The following ABCG1 variants were observed in gnomAD, a reference collection of about 807,000 sequenced individuals.
ABCG1 encodes the protein ATP binding cassette subfamily G member 1.
Under a neutral mutation model 69.2 loss-of-function variants are expected in ABCG1, and 29 were observed. That is an observed-to-expected ratio of 0.42 (90% confidence interval 0.31 to 0.57). The LOEUF is 0.57. Ranked by LOEUF, ABCG1 falls within the 20% of genes least tolerant of loss-of-function variation. The pLI is 0.15. For synonymous variants in ABCG1, 370 were observed against 374.8 expected, an observed-to-expected ratio of 0.99 and a Z score of 0.15; for missense variants, 718 against 898.1, an observed-to-expected ratio of 0.80 and a Z score of 2.56.
In ABCG1 at chr21:42,291,667, A is replaced by G; in HGVS notation, c.1653+11A>G. ...TCCACGTCCCTGCAGGTGCCAGCCC[A>G]GGAGGCGCTAAGTGAGGGCATGACG... On this transcript the variant is annotated intron_variant, in intron 13 of 14. Coordinates refer to ENST00000398449, the MANE Select transcript of ABCG1 (RefSeq NM_016818.3). The surrounding 1 kb of genome is among the most constrained non-coding windows in gnomAD (Gnocchi z 6.4). 1 of 1,593,014 alleles carries G rather than the reference A, an allele frequency of 6.3e-7. No homozygotes were observed. Among genetic ancestry groups the G allele is most frequent in the Non-Finnish European group, 8.5e-7 (1 of 1,175,390 alleles).
chr21:42,256,905 C>T (rs928114022), intron 2 of ABCG1, among the ~76,000 whole-genome samples: 1 of 152,224 alleles, frequency 6.6e-6, no homozygotes, highest in African/African-American at 2.4e-5. Context: ...TGAAGAGAGA[C>T]CCCTCTTGCC....
intron 2 of ABCG1, among the ~76,000 whole-genome samples, chr21:42,270,133 G>A (rs763976832): frequency 2.6e-5 from 4 of 152,012 alleles, no homozygotes; most frequent in Admixed American, 6.6e-5. Flanking sequence ...GGTGGCAGGC[G>A]CCTCTAGTAC....
At chr21:42,277,971 G>A (rs942944534) in intron 5 of ABCG1, among the ~76,000 whole-genome samples, 11 of 152,216 alleles carry the variant, frequency 7.2e-5, no homozygotes, top group Non-Finnish European at 1.2e-4. Context: ...CATCAACTGT[G>A]CCCTTCAAAA....
In ABCG1 at chr21:42,273,140, C is replaced by T. The variant is rs531281437; in HGVS notation, c.405-163C>T. Among the ~76,000 whole-genome samples the T allele has an allele frequency of 3.0e-4, 46 of 152,290 alleles. 1 individual carries two copies. The South Asian group carries it at 7.3e-3, about 24-fold the overall frequency. Reference sequence around the variant, plus strand: ...TTCCTCCCGATCGCTGCAGTGCTAGCGAGGTCCGGTCCCTTTCTGCCCCTC... The same window carrying T: ...TTCCTCCCGATCGCTGCAGTGCTAGTGAGGTCCGGTCCCTTTCTGCCCCTC... On this transcript the variant is annotated intron_variant, in intron 3 of 14. Coordinates refer to ENST00000398449, the MANE Select transcript of ABCG1 (RefSeq NM_016818.3). This position sits in a 1 kb window ranked among gnomAD's most constrained non-coding sequence, Gnocchi z 5.3.
chr21:42,266,562 T>C (rs2068509060), intron 2 of ABCG1, among the ~76,000 whole-genome samples: 1 of 152,128 alleles, frequency 6.6e-6, no homozygotes, highest in Non-Finnish European at 1.5e-5. Context: ...TCTCTGATCA[T>C]GTAGGTCTGC....
Position 42,243,027 on chromosome 21 carries a change from C to A in ABCG1, c.286+17113C>A, listed in dbSNP as rs115391318. Among the ~76,000 whole-genome samples the A allele has an allele frequency of 5.0e-3, 768 of 152,266 alleles. 4 individuals carry two copies. Among genetic ancestry groups the A allele is most frequent in the African/African-American group, 0.017 (713 of 41,550 alleles). ...GGAGTTGATGGCCATGTGGGAGCCA[C>A]CCTGAGCCCTGGGAAAACTGGAGCA... On this transcript the variant is annotated intron_variant, in intron 2 of 14. Transcript: ENST00000398449.
chr21:42,211,804 G>A (rs769507575), upstream of ABCG1, among the ~76,000 whole-genome samples: 13 of 152,106 alleles, frequency 8.5e-5, no homozygotes, highest in African/African-American at 2.9e-4. Flanking sequence ...CAGGAGAATC[G>A]CTGGAATCTG....
intron 2 of ABCG1, among the ~76,000 whole-genome samples, chr21:42,269,312 T>A (rs1346033639): frequency 6.6e-6 from 1 of 152,158 alleles, no homozygotes; most frequent in Non-Finnish European, 1.5e-5. Flanking sequence ...GAGAGCTTGC[T>A]CCTGTGGAGG....
At chr21:42,212,788 G>A (rs2067601527), upstream of ABCG1, among the ~76,000 whole-genome samples, 1 of 151,524 alleles carries the variant, frequency 6.6e-6, no homozygotes, top group Non-Finnish European at 1.5e-5. Flanking sequence ...CCGCTTCCCG[G>A]GTTCACACCA....
chr21:42,248,452 T>C (rs1314322403), intron 2 of ABCG1, among the ~76,000 whole-genome samples: 1 of 152,132 alleles, frequency 6.6e-6, no homozygotes, highest in Admixed American at 6.5e-5. Context: ...CCACAGACGT[T>C]GTTTGGCTTC....
chr21:42,281,874 C>T (rs1293658877), intron 5 of ABCG1, among the ~76,000 whole-genome samples: 1 of 152,254 alleles, frequency 6.6e-6, no homozygotes, highest in African/African-American at 2.4e-5. Flanking sequence ...TGCATCCTCT[C>T]ATGTGTCCAT....
intron 2 of ABCG1, 61 bp from the exon 3 acceptor site, chr21:42,271,009 G>A: frequency 8.5e-7 from 1 of 1,175,514 alleles, no homozygotes; most frequent in Non-Finnish European, 1.2e-6. Flanking sequence ...TTGAACATTT[G>A]CATATTTACT....
chr21:42,284,289 C>T (rs1601444613), intron 6 of ABCG1, among the ~76,000 whole-genome samples: 3 of 152,194 alleles, frequency 2.0e-5, no homozygotes, highest in African/African-American at 4.8e-5. Flanking sequence ...GTGGGGACCC[C>T]CCCCCAGTCC....
At position 42,225,780 on chromosome 21, in the gene ABCG1, G is replaced by C; in HGVS notation, c.152G>C (p.Gly51Ala). 1.2e-6 allele frequency: 2 copies of C among 1,614,010 alleles called. No homozygotes were observed. The highest frequency in any genetic ancestry group is 1.7e-6 in the Non-Finnish European group (2 of 1,180,008). The change falls in exon 2 of 15, where the codon GGA becomes GCA. Residue 51 changes from glycine to alanine, a missense_variant. Coordinates refer to ENST00000398449, the MANE Select transcript of ABCG1 (RefSeq NM_016818.3). ...MEATETDLLN[G>A]HLKKVDNNLT... is the part of the protein sequence containing the mutation. ...GCCACTGAGACGGACCTGCTGAATG[G>C]ACATCTGAAAAAAGTAGATAATAAC...
intron 3 of ABCG1, among the ~76,000 whole-genome samples, chr21:42,271,907 C>A (rs1367717973): frequency 6.6e-6 from 1 of 152,164 alleles, no homozygotes; most frequent in Non-Finnish European, 1.5e-5. Context: ...ACAACAACAA[C>A]AACAAAGAAA....
At chr21:42,294,803 C>G in intron 14 of ABCG1, 143 bp downstream of exon 14, 1 of 722,464 alleles carries the variant, frequency 1.4e-6, no homozygotes, top group Non-Finnish European at 2.5e-6. Flanking sequence ...GGCCTTCCAT[C>G]TTCCTGCTAG....
At position 42,219,824 on chromosome 21, in the gene ABCG1, C is replaced by T; in HGVS notation, c.42+520C>T. On this transcript the variant is annotated intron_variant, in intron 1 of 14. Transcript: ENST00000398449. This position sits in a 1 kb window ranked among gnomAD's most constrained non-coding sequence, Gnocchi z 5.3. ...GAAGCTGCCCCCAGAGAGCCGGAGC[C>T]TGCGACTGCACTCCCGGGGACACCC... 1 of 1,462,326 alleles carries T rather than the reference C, an allele frequency of 6.8e-7. No individual in the cohort carries two copies. Among genetic ancestry groups the T allele is most frequent in the Admixed American group, 2.5e-5 (1 of 40,092 alleles). 90.6% of individuals were successfully genotyped at this position (1,462,326 alleles called of 1,614,324 possible).
upstream of ABCG1, among the ~76,000 whole-genome samples, chr21:42,212,940 G>A (rs141462445): frequency 2.6e-3 from 399 of 152,292 alleles, 1 homozygote; most frequent in African/African-American, 9.1e-3. Flanking sequence ...TGATCCGCCC[G>A]CCTTGGCCTC....
At chr21:42,228,782 C>A (rs1371451712) in intron 2 of ABCG1, among the ~76,000 whole-genome samples, 2 of 152,172 alleles carry the variant, frequency 1.3e-5, no homozygotes, top group Non-Finnish European at 2.9e-5. Flanking sequence ...GTTTTTCCTG[C>A]CAAAGGGTGC....
Sources: allele counts gnomAD v4.1 joint callset (sites outside exome capture counted in the v4.1 genomes callset), GRCh38; gene constraint gnomAD v4.1.1; non-coding constraint Gnocchi (gnomAD v3.1); transcripts MANE v1.5; gene names NCBI Gene and HGNC (gene_info 2026-07-23, HGNC 2026-07-21).